BNC2: variants seen among roughly 807,000 people sequenced by gnomAD.
BNC2 encodes the protein zinc finger protein basonuclin-2.
BNC2 carries 20 observed loss-of-function variants against 76.3 expected under a neutral mutation model. That is an observed-to-expected ratio of 0.26 (90% CI 0.18 to 0.38). The LOEUF (loss-of-function observed/expected upper bound fraction) is 0.38, where lower values mean the gene tolerates loss of function less well. Ranked by LOEUF, BNC2 falls within the 10% of genes least tolerant of loss-of-function variation. BNC2 has a pLI of 1.00. For missense variants in BNC2, 1,382 were observed against 1,399.8 expected (o/e 0.99, Z 0.20); for synonymous variants, 582 against 514.8 (o/e 1.13, Z -1.77).
chr9:16,617,145 C>T (rs954018690), intron 3 of BNC2, among the ~76,000 whole-genome samples: 5 of 152,032 alleles, frequency 3.3e-5, no homozygotes, highest in South Asian at 4.2e-4. Context: ...CATCGATAAA[C>T]GTAAATTTCA....
At chr9:16,726,672 C>A (rs972376727) in intron 3 of BNC2, 4 of 151,762 alleles carry the variant, frequency 2.6e-5, no homozygotes, top group African/African-American at 9.7e-5. Context: ...ATAGTACTTT[C>A]GTGCTGTGTG....
At chr9:16,469,832 G>A (rs1371332034) in intron 5 of BNC2, among the ~76,000 whole-genome samples, 1 of 152,090 alleles carries the variant, frequency 6.6e-6, no homozygotes, top group Non-Finnish European at 1.5e-5. Flanking sequence ...CTGGAGCAAA[G>A]GTGACTTTTG....
At chr9:16,677,387 A>T (rs1822676505) in intron 3 of BNC2, among the ~76,000 whole-genome samples, 1 of 152,184 alleles carries the variant, frequency 6.6e-6, no homozygotes, top group Non-Finnish European at 1.5e-5. Flanking sequence ...AGCCCAGCCA[A>T]CATGGTGAAA....
At chr9:16,805,373 C>T (rs1817882492) in intron 1 of BNC2, among the ~76,000 whole-genome samples, 1 of 151,906 alleles carries the variant, frequency 6.6e-6, no homozygotes, top group South Asian at 2.1e-4. Context: ...GTTCCCCAGG[C>T]TGGAGTACAA....
chr9:16,751,217 G>A (rs1209360696), intron 1 of BNC2, among the ~76,000 whole-genome samples: 1 of 150,770 alleles, frequency 6.6e-6, no homozygotes, highest in Non-Finnish European at 1.5e-5. Flanking sequence ...CTACAAAACT[G>A]TGAAAACTTA....
intron 3 of BNC2, among the ~76,000 whole-genome samples, chr9:16,678,998 G>A (rs1032273713): frequency 6.6e-6 from 1 of 152,090 alleles, no homozygotes; most frequent in Non-Finnish European, 1.5e-5. Flanking sequence ...ACATGGATGG[G>A]CCCAAAGTGT....
At chr9:16,571,273 C>G (rs886836734) in intron 4 of BNC2, among the ~76,000 whole-genome samples, 1 of 152,094 alleles carries the variant, frequency 6.6e-6, no homozygotes, top group African/African-American at 2.4e-5. Context: ...CCAAACAACA[C>G]AGCTGAACTG....
chr9:16,492,805 G>C (rs1007906375), intron 5 of BNC2, among the ~76,000 whole-genome samples: 1 of 150,046 alleles, frequency 6.7e-6, no homozygotes, highest in Admixed American at 6.7e-5. Context: ...ATCAGTCACA[G>C]AACACTGCTG....
At chr9:16,842,139 T>C (rs17744040) in intron 1 of BNC2, among the ~76,000 whole-genome samples, 12,493 of 152,302 alleles carry the variant, frequency 0.082, 687 homozygotes, top group Middle Eastern at 0.15. Flanking sequence ...ACATATTTTT[T>C]GGAGTTTTGA....
At chr9:16,743,234 G>A (rs1824901643) in intron 1 of BNC2, among the ~76,000 whole-genome samples, 2 of 152,056 alleles carry the variant, frequency 1.3e-5, no homozygotes, top group East Asian at 3.9e-4. Flanking sequence ...GATGACTTGA[G>A]TGTACAAGCT....
At chr9:16,700,480 C>A (rs1490441070) in intron 3 of BNC2, among the ~76,000 whole-genome samples, 1 of 152,126 alleles carries the variant, frequency 6.6e-6, no homozygotes, top group East Asian at 1.9e-4. Context: ...CACTGCACTC[C>A]ATCCCAAGCA....
At chr9:16,583,376 A>G (rs534182587) in intron 3 of BNC2, among the ~76,000 whole-genome samples, 1 of 152,340 alleles carries the variant, frequency 6.6e-6, no homozygotes, top group South Asian at 2.1e-4. Context: ...CGGATTTACG[A>G]CATCACAAAT....
At chr9:16,691,648 T>G (rs1412828001) in intron 3 of BNC2, among the ~76,000 whole-genome samples, 6 of 151,524 alleles carry the variant, frequency 4.0e-5, no homozygotes, top group Admixed American at 3.9e-4. Flanking sequence ...TAGCTGGGAC[T>G]ACAAGCACCC....
intron 5 of BNC2, among the ~76,000 whole-genome samples, chr9:16,462,185 T>C (rs1292313079): frequency 6.6e-6 from 1 of 152,166 alleles, no homozygotes; most frequent in Non-Finnish European, 1.5e-5. Flanking sequence ...CTCACGTTCT[T>C]TACTTTTTTA....
chr9:16,488,257 C>T (rs1321110188), intron 5 of BNC2, among the ~76,000 whole-genome samples: 1 of 152,024 alleles, frequency 6.6e-6, no homozygotes, highest in East Asian at 1.9e-4. Flanking sequence ...CTTGATATTC[C>T]AAATAACATA....
At chr9:16,545,368 G>A (rs1226278685) in intron 5 of BNC2, among the ~76,000 whole-genome samples, 1 of 152,118 alleles carries the variant, frequency 6.6e-6, no homozygotes, top group Non-Finnish European at 1.5e-5. Context: ...CTTAGCAAGT[G>A]GTACTACTAA....
intron 5 of BNC2, among the ~76,000 whole-genome samples, chr9:16,501,579 T>C (rs73417424): frequency 0.038 from 5,731 of 152,254 alleles, 370 homozygotes; most frequent in African/African-American, 0.13. Flanking sequence ...GCCTAATACA[T>C]GCTTTTAGAA....
chr9:16,473,916 T>C (rs1821877731), intron 5 of BNC2, among the ~76,000 whole-genome samples: 2 of 152,006 alleles, frequency 1.3e-5, no homozygotes, highest in African/African-American at 4.8e-5. Context: ...AAAGATACGA[T>C]GATGATTAAG....
intron 5 of BNC2, among the ~76,000 whole-genome samples, chr9:16,469,330 G>C (rs1353087680): frequency 6.6e-6 from 1 of 152,156 alleles, no homozygotes. Context: ...GAATCATGGG[G>C]GCTGGTCTTT....
Sources: gnomAD v4.1 joint callset for allele counts (sites outside exome capture counted in the v4.1 genomes callset) on GRCh38, gnomAD v4.1.1 for gene constraint, MANE v1.5 for transcripts, NCBI Gene and HGNC (gene_info 2026-07-23, HGNC 2026-07-21) for gene names.